PAGE3: variants seen among roughly 807,000 people sequenced by gnomAD.
The protein encoded by PAGE3 is P antigen family member 3.
PAGE3 carries 9 observed loss-of-function variants against 3.8 expected under a neutral mutation model. That is an observed-to-expected ratio of 2.36 (90% CI 1.42 to 4.12). PAGE3 has a LOEUF of 4.12. PAGE3 is among the 30% of genes most tolerant of loss of function. The pLI is 0.00. For synonymous variants in PAGE3, 24 were observed against 13.1 expected (o/e 1.83, Z -1.79); for missense variants, 73 against 37.8 (o/e 1.93, Z -2.44).
chrX:55,261,148 G>A (rs1164731139), intron 3 of PAGE3, among the ~76,000 whole-genome samples: 1 of 111,631 alleles, frequency 9.0e-6, no homozygotes, highest in Non-Finnish European at 1.9e-5. Flanking sequence ...AAAAATACCA[G>A]TGTCATGAAA....
At chrX:55,260,301 A>G (rs1356328883) in intron 4 of PAGE3, among the ~76,000 whole-genome samples, 1 of 111,791 alleles carries the variant, frequency 8.9e-6, no homozygotes, top group African/African-American at 3.2e-5. Flanking sequence ...ACTAAAAAGT[A>G]AGAAAATACC....
rs759886753 is a variant in PAGE3 at position 55,263,366 on chromosome X, A to T, written c.85-7T>A. 2.1e-5 allele frequency: 12 copies of T among 563,209 alleles called. No homozygotes were observed. Among genetic ancestry groups the T allele is most frequent in the Non-Finnish European group, 3.6e-5 (11 of 306,904 alleles). 46.4% of individuals were successfully genotyped at this position (563,209 alleles called of 1,213,427 possible). On this transcript the variant is annotated splice_region_variant and splice_polypyrimidine_tract_variant and intron_variant, in intron 2 of 4. Transcript: ENST00000374951. ...TACTGGGCAGCTCCTGGGCCTAGGA[A>T]TATGAGTGCGTGTGCAAATAAAAAG...
Position 55,263,873 on chromosome X carries a change from A to G in PAGE3, c.31T>C (p.Ser11Pro), listed in dbSNP as rs371522940. The change falls in exon 2 of 5, where the codon TCT becomes CCT. Residue 11 changes from serine to proline, a missense_variant. Coordinates refer to ENST00000374951, the MANE Select transcript of PAGE3 (RefSeq NM_001017931.3). ...TCTTGATCATCTCTTCTTTCTCTAG[A>G]TCTGGATCTTGTTCTTTGATGTCCA... MSGHQRTRSR[S>P]RERRDDQDSN... The G allele has an allele frequency of 8.8e-6, 5 of 569,039 alleles. No individual in the cohort carries two copies. In the South Asian group the frequency reaches 1.1e-4, roughly 13 times the overall value. 46.9% of individuals were successfully genotyped at this position (569,039 alleles called of 1,213,427 possible).
At chrX:55,259,539 C>T (rs772549238) in intron 4 of PAGE3, among the ~76,000 whole-genome samples, 1 of 110,833 alleles carries the variant, frequency 9.0e-6, no homozygotes, top group Admixed American at 9.6e-5. Flanking sequence ...TTATATTACA[C>T]ATTCAATATC....
At chrX:55,263,086 C>T (rs1007687233) in intron 3 of PAGE3, among the ~76,000 whole-genome samples, 165 bp downstream of exon 3, 2 of 110,516 alleles carry the variant, frequency 1.8e-5, no homozygotes, top group Non-Finnish European at 3.8e-5. Flanking sequence ...TAAGGGACTG[C>T]CCTTGGCTGT....
chrX:55,262,812 G>T (rs1450367231), intron 3 of PAGE3, among the ~76,000 whole-genome samples: 1 of 103,119 alleles, frequency 9.7e-6, no homozygotes, highest in Non-Finnish European at 2.0e-5. Flanking sequence ...AATTAGTGTG[G>T]ATATGAGATA....
At chrX:55,260,733 C>T in intron 3 of PAGE3, 74 bp from the exon 4 acceptor site, 3 of 415,657 alleles carry the variant, frequency 7.2e-6, no homozygotes, top group Non-Finnish European at 1.3e-5. Flanking sequence ...AATATTCACT[C>T]CCTCAATGTT....
At chrX:55,262,713 T>G (rs1601963327) in intron 3 of PAGE3, among the ~76,000 whole-genome samples, 1 of 37,293 alleles carries the variant, frequency 2.7e-5, no homozygotes, top group Non-Finnish European at 1.2e-4. Context: ...GATATATATA[T>G]ATATATATAT....
Position 55,258,548 on chromosome X carries a change from G to A in PAGE3, c.320-20C>T, listed in dbSNP as rs749814924. Reference sequence around the variant, plus strand: ...CTTCACCTATAAGATAAACATAATAGTTGAGAGTATTTTTTAGCAGAACTT... The same window carrying A: ...CTTCACCTATAAGATAAACATAATAATTGAGAGTATTTTTTAGCAGAACTT... On this transcript the variant is annotated intron_variant, in intron 4 of 4. Coordinates refer to ENST00000374951, the MANE Select transcript of PAGE3 (RefSeq NM_001017931.3). 1.0e-4 allele frequency: 57 copies of A among 558,713 alleles called. No individual in the cohort carries two copies. The South Asian group carries it at 1.2e-3, about 12-fold the overall frequency. 46.0% of individuals were successfully genotyped at this position (558,713 alleles called of 1,213,427 possible). A position where few individuals can be genotyped will look rare whatever the true frequency, so the allele number is the denominator to read the frequency against.
chrX:55,261,293 A>G (rs1250634245), intron 3 of PAGE3, among the ~76,000 whole-genome samples: 2 of 111,471 alleles, frequency 1.8e-5, no homozygotes, highest in Non-Finnish European at 3.8e-5. Context: ...AAATTTGAAT[A>G]TAAGCTATAT....
chrX:55,260,198 A>G (rs1223433708), intron 4 of PAGE3, among the ~76,000 whole-genome samples: 1 of 112,045 alleles, frequency 8.9e-6, no homozygotes, highest in African/African-American at 3.2e-5. Flanking sequence ...TGTTTCATAC[A>G]GTGAATATCT....
chrX:55,259,629 C>T (rs1257082115), intron 4 of PAGE3, among the ~76,000 whole-genome samples: 1 of 110,089 alleles, frequency 9.1e-6, no homozygotes, highest in Non-Finnish European at 1.9e-5. Context: ...ACTAGGGGAT[C>T]CTCTATTCAT....
chrX:55,263,408 G>A (rs1276030973), intron 2 of PAGE3, 49 bp from the exon 3 acceptor site: 1 of 523,570 alleles, frequency 1.9e-6, no homozygotes, highest in South Asian at 2.7e-5. Flanking sequence ...TATTAATAAT[G>A]CATGTCAATA....
Position 55,260,585 on chromosome X carries a change from C to T in PAGE3, c.268G>A (p.Val90Ile), listed in dbSNP as rs1938271768. The change falls in exon 4 of 5, where the codon GTC (valine) becomes ATC (isoleucine). Residue 90 changes from valine (V) to isoleucine (I), a missense_variant. Val to Ile is a conservative substitution (Grantham distance 29, BLOSUM62 3). Coordinates refer to ENST00000374951, the MANE Select transcript of PAGE3 (RefSeq NM_001017931.3). ...TGGERGDGPN[V>I]KGEFLPNLEP... ...AGATTTGGCAGAAATTCTCCCTTGA[C>T]ATTAGGACCATCTCCACGTTCACCC... 1.8e-6 allele frequency: 1 copy of T among 567,162 alleles called. No homozygotes were observed. Among genetic ancestry groups the T allele is most frequent in the Middle Eastern group, 3.1e-4 (1 of 3,224 alleles). 46.7% of individuals were successfully genotyped at this position (567,162 alleles called of 1,213,427 possible).
At position 55,263,856 on chromosome X, in the gene PAGE3, A is replaced by G; in HGVS notation, c.48T>C (p.Asp16=). 3.5e-6 allele frequency: 2 copies of G among 569,491 alleles called. No homozygotes were observed. Among genetic ancestry groups the G allele is most frequent in the East Asian group, 3.3e-5 (1 of 30,757 alleles). The allele number at this position is 569,491 out of a possible 1,213,427, so 46.9% of individuals were successfully genotyped here. A position where few individuals can be genotyped will look rare whatever the true frequency, so the allele number is the denominator to read the frequency against. Residue 16 remains aspartate (D), a synonymous_variant, in exon 2 of 5, where the codon GAT becomes GAC. Transcript: ENST00000374951. Reference sequence around the variant, plus strand: ...CTACTGGATGATTAGAGTCTTGATCATCTCTTCTTTCTCTAGATCTGGATC... The same window carrying G: ...CTACTGGATGATTAGAGTCTTGATCGTCTCTTCTTTCTCTAGATCTGGATC... ...RTRSRSRERR[D]DQDSNHPVGA... is the part of the protein sequence containing the mutation.
intron 3 of PAGE3, 146 bp downstream of exon 3, chrX:55,263,105 C>A (rs1017702832): frequency 2.4e-6 from 1 of 411,202 alleles, no homozygotes; most frequent in East Asian, 4.2e-5. Context: ...GTAAACTATG[C>A]CTTCTTCACT....
At chrX:55,261,965 G>T (rs1012603576) in intron 3 of PAGE3, among the ~76,000 whole-genome samples, 2 of 111,505 alleles carry the variant, frequency 1.8e-5, no homozygotes, top group Non-Finnish European at 3.8e-5. Flanking sequence ...AGGTCCAAAG[G>T]TCTTATATGT....
In PAGE3 at chrX:55,263,325, T is replaced by C. The variant is rs1938328979; in HGVS notation, c.119A>G (p.Gln40Arg). 1.8e-6 allele frequency: 1 copy of C among 567,956 alleles called. No homozygotes were observed. The highest frequency in any genetic ancestry group is 2.2e-5 in the African/African-American group (1 of 44,522). 46.8% of individuals were successfully genotyped at this position (567,956 alleles called of 1,213,427 possible). A position where few individuals can be genotyped will look rare whatever the true frequency, so the allele number is the denominator to read the frequency against. The stretch of plus-strand genomic sequence containing the variant: ...CTGACTTTCAATTGGTGGTTCCTCT[T>C]GTTGAAGCTGGTCATTACTGGGCAG... ...QELPSNDQLQ[Q>R]EEPPIESQDY... Residue 40 changes from glutamine (Q) to arginine (R), a missense_variant, in exon 3 of 5, where the codon CAA becomes CGA. Gln to Arg is a conservative substitution (Grantham distance 43). Coordinates refer to ENST00000374951, the MANE Select transcript of PAGE3 (RefSeq NM_001017931.3).
chrX:55,263,783 G>A (rs1024522859), intron 2 of PAGE3, 37 bp downstream of exon 2: 1 of 543,664 alleles, frequency 1.8e-6, no homozygotes, highest in Admixed American at 2.5e-5. Flanking sequence ...ACAAAAATAA[G>A]TTTCTAATAG....
Sources: gnomAD v4.1 joint callset for allele counts (sites outside exome capture counted in the v4.1 genomes callset) on GRCh38, gnomAD v4.1.1 for gene constraint, MANE v1.5 for transcripts, NCBI Gene and HGNC (gene_info 2026-07-23, HGNC 2026-07-21) for gene names.